GABRB3: variants seen among roughly 807,000 people sequenced by gnomAD.
The protein encoded by GABRB3 is gamma-aminobutyric acid type A receptor subunit beta3, also known as gamma-aminobutyric acid receptor subunit beta-3.
GABRB3 carries 14 observed loss-of-function variants against 52.1 expected under a neutral mutation model. That is an observed-to-expected ratio of 0.27 (90% CI 0.18 to 0.42). GABRB3 has a LOEUF of 0.42. Ranked by LOEUF, GABRB3 falls within the 10% of genes least tolerant of loss-of-function variation. The probability of loss-of-function intolerance (pLI) is 1.00; values close to 1 mark genes in which losing one functional copy is unlikely to be tolerated. For synonymous variants in GABRB3, 260 were observed against 232.3 expected, an observed-to-expected ratio of 1.12 and a Z score of -1.08; for missense variants, 307 against 609.1, an observed-to-expected ratio of 0.50 and a Z score of 5.22.
At chr15:26,552,852 G>T (rs1418449071) in intron 8 of GABRB3, among the ~76,000 whole-genome samples, 1 of 152,110 alleles carries the variant, frequency 6.6e-6, no homozygotes, top group African/African-American at 2.4e-5. Flanking sequence ...TGGGAGGGGG[G>T]TTCAACCAAT....
Position 26,684,543 on chromosome 15 carries a change from G to A in GABRB3, c.241-63009C>T, listed in dbSNP as rs147945346. On this transcript the variant is annotated intron_variant, in intron 3 of 8. Transcript: ENST00000311550. The stretch of plus-strand genomic sequence containing the variant: ...CTTTCGGCCTGTTTTGGCTTTCGGC[G>A]TGCCTTTCTCACTAAGCTTAATCAT... Among the ~76,000 whole-genome samples, 21 of 152,274 alleles carry A rather than the reference G, an allele frequency of 1.4e-4. No homozygotes were observed. In the East Asian group the frequency reaches 1.9e-3, roughly 14 times the overall value.
chr15:26,574,698 TAGA>T (rs1196034874), intron 6 of GABRB3, among the ~76,000 whole-genome samples: 2 of 152,038 alleles, frequency 1.3e-5, no homozygotes, highest in Non-Finnish European at 2.9e-5. Flanking sequence ...GACAAATCCA[TAGA>T]AGGAGAAACT....
chr15:26,764,512 A>G lies in GABRB3; in HGVS notation c.240+7890T>C, dbSNP rs530656049. Among the ~76,000 whole-genome samples the G allele has an allele frequency of 2.0e-5, 3 of 152,200 alleles. No homozygotes were observed. In the South Asian group the frequency reaches 6.2e-4, roughly 32 times the overall value. On this transcript the variant is annotated intron_variant, in intron 3 of 8. Coordinates refer to ENST00000311550, the MANE Select transcript of GABRB3 (RefSeq NM_000814.6). ...AGTGGAAAAATGCAAAAAGAGATACATTAGTTAACGTTTACACATGGCTTC... is the reference window on the plus strand; with the variant it reads ...AGTGGAAAAATGCAAAAAGAGATACGTTAGTTAACGTTTACACATGGCTTC...
At chr15:26,739,471 C>A (rs892461374) in intron 3 of GABRB3, among the ~76,000 whole-genome samples, 5 of 152,040 alleles carry the variant, frequency 3.3e-5, no homozygotes, top group African/African-American at 9.7e-5. Context: ...ATGAAGGGAT[C>A]AGCAGGTGTT....
chr15:26,628,846 G>C, intron 3 of GABRB3: 1 of 931,876 alleles, frequency 1.1e-6, no homozygotes, highest in Non-Finnish European at 1.6e-6. Flanking sequence ...GGCCAGCAGA[G>C]GCCTGAAACG....
At chr15:26,762,948 A>G (rs1890859776) in intron 3 of GABRB3, among the ~76,000 whole-genome samples, 1 of 152,264 alleles carries the variant, frequency 6.6e-6, no homozygotes, top group Non-Finnish European at 1.5e-5. Context: ...GCACAGTCCA[A>G]TATACCCTCA....
At chr15:26,709,436 C>T (rs1413572295) in intron 3 of GABRB3, among the ~76,000 whole-genome samples, 1 of 151,660 alleles carries the variant, frequency 6.6e-6, no homozygotes, top group Non-Finnish European at 1.5e-5. Flanking sequence ...GAGGCCTTCA[C>T]AAGATGCTGA....
At chr15:26,686,665 C>A (rs894932658) in intron 3 of GABRB3, among the ~76,000 whole-genome samples, 3 of 152,222 alleles carry the variant, frequency 2.0e-5, no homozygotes, top group Non-Finnish European at 4.4e-5. Context: ...AATAGGCCAG[C>A]AGTGTTGCCT....
intron 3 of GABRB3, among the ~76,000 whole-genome samples, chr15:26,676,965 C>T (rs891685639): frequency 1.3e-5 from 2 of 151,998 alleles, no homozygotes; most frequent in African/African-American, 2.4e-5. Flanking sequence ...TGGCTCATGC[C>T]TGCTCATTTT....
At chr15:26,629,148 G>C (rs1892831186) in intron 3 of GABRB3, 8 of 1,513,230 alleles carry the variant, frequency 5.3e-6, no homozygotes, top group Non-Finnish European at 7.1e-6. Flanking sequence ...GGGAGGCGCA[G>C]GGGCGGAGTG....
intron 3 of GABRB3, among the ~76,000 whole-genome samples, chr15:26,724,199 T>A (rs1281308290): frequency 6.6e-6 from 1 of 152,178 alleles, no homozygotes; most frequent in African/African-American, 2.4e-5. Context: ...AAACTCTTCT[T>A]TTCTCCTCCA....
At chr15:26,606,805 T>TATAG (rs59223052) in intron 4 of GABRB3, among the ~76,000 whole-genome samples, 4,483 of 117,926 alleles carry the variant, frequency 0.038, 251 homozygotes, top group African/African-American at 0.099. Flanking sequence ...TAGATATATC[T>TATAG]ATAGATAGAT....
chr15:26,550,811 G>A (rs550962307), intron 8 of GABRB3, among the ~76,000 whole-genome samples: 7 of 152,324 alleles, frequency 4.6e-5, no homozygotes, highest in South Asian at 4.1e-4. Flanking sequence ...ACCTGCACGT[G>A]TGGCCTAACA....
chr15:26,773,507 C>G (rs1480706719), upstream of GABRB3: 13 of 518,170 alleles, frequency 2.5e-5, no homozygotes, highest in Admixed American at 4.5e-5. Context: ...CCCCGGCCGC[C>G]GAAGTTGGCC....
intron 3 of GABRB3, among the ~76,000 whole-genome samples, chr15:26,652,057 G>A (rs1887213944): frequency 6.6e-6 from 1 of 152,132 alleles, no homozygotes; most frequent in African/African-American, 2.4e-5. Context: ...TCTGAGGGCT[G>A]CCACCTATGA....
intron 3 of GABRB3, among the ~76,000 whole-genome samples, chr15:26,770,281 G>A (rs572732646): frequency 1.8e-4 from 27 of 152,290 alleles, no homozygotes; most frequent in African/African-American, 5.5e-4. Context: ...TATAATAGGT[G>A]TGTGTTTACA....
chr15:26,677,093 C>T (rs947033789), intron 3 of GABRB3, among the ~76,000 whole-genome samples: 13 of 152,104 alleles, frequency 8.5e-5, no homozygotes, highest in African/African-American at 2.9e-4. Context: ...TCCCAGTTGC[C>T]TCTTTTGACC....
intron 4 of GABRB3, among the ~76,000 whole-genome samples, chr15:26,618,805 TCAAA>T (rs1426191546): frequency 2.6e-5 from 4 of 151,708 alleles, no homozygotes; most frequent in Non-Finnish European, 5.9e-5. Context: ...CACAATGAAC[TCAAA>T]CAAATTTACA....
At chr15:26,642,593 A>T (rs1893232017) in intron 3 of GABRB3, 1 of 934,758 alleles carries the variant, frequency 1.1e-6, no homozygotes. Flanking sequence ...AAATAGTCTA[A>T]GTGCTATCCT....
Sources: allele counts gnomAD v4.1 joint callset (sites outside exome capture counted in the v4.1 genomes callset), GRCh38; gene constraint gnomAD v4.1.1; transcripts MANE v1.5; gene names NCBI Gene and HGNC (gene_info 2026-07-23, HGNC 2026-07-21).